ECM2: variants seen among roughly 807,000 people sequenced by gnomAD.
ECM2 encodes the protein extracellular matrix protein 2.
Under a neutral mutation model 67.5 loss-of-function variants are expected in ECM2, and 57 were observed. The ratio of observed to expected loss-of-function variants is 0.84; its 90% confidence interval spans 0.68 to 1.05. The LOEUF (loss-of-function observed/expected upper bound fraction) is 1.05, where lower values mean the gene tolerates loss of function less well. Among genes scored for constraint, ECM2 ranks in the 50% least tolerant of loss-of-function variants. The probability of loss-of-function intolerance (pLI) is 0.00; values close to 1 mark genes in which losing one functional copy is unlikely to be tolerated. For missense variants in ECM2, 741 were observed against 822.8 expected (o/e 0.90, Z 1.22); for synonymous variants, 258 against 294.5 (o/e 0.88, Z 1.27).
intron 1 of ECM2, among the ~76,000 whole-genome samples, chr9:92,533,314 A>AT (rs1848934895): frequency 3.2e-5 from 3 of 95,026 alleles, no homozygotes; most frequent in African/African-American, 1.3e-4. Flanking sequence ...AAAAAAAAAA[A>AT]AAAAAAAAAA....
the ECM2 span, among the ~76,000 whole-genome samples, chr9:92,556,796 T>C: frequency 2.0e-5 from 3 of 152,238 alleles, no homozygotes; most frequent in Non-Finnish European, 4.4e-5. Context: ...TCTGCTGTTG[T>C]GTATCTTTTA....
chr9:92,533,311 A>AT (rs1848932291), intron 1 of ECM2, among the ~76,000 whole-genome samples: 2 of 87,442 alleles, frequency 2.3e-5, no homozygotes, highest in African/African-American at 9.6e-5. Flanking sequence ...AACAAAAAAA[A>AT]AAAAAAAAAA....
intron 1 of ECM2, among the ~76,000 whole-genome samples, chr9:92,535,620 A>G (rs867902646): frequency 6.6e-6 from 1 of 152,142 alleles, no homozygotes; most frequent in Non-Finnish European, 1.5e-5. Context: ...TTTAAAATGA[A>G]AAATATTTTG....
chr9:92,543,471 CAAAAAAAAA>C, the ECM2 span, among the ~76,000 whole-genome samples: 19 of 44,520 alleles, frequency 4.3e-4, no homozygotes, highest in African/African-American at 1.3e-3. Context: ...AACCCTGTCT[CAAAAAAAAA>C]AAAAAAAAAA....
rs202147064 is a variant in ECM2, at chr9:92,533,328, AATATATATATAT to A, written c.-28+2593_-28+2604del. Among the ~76,000 whole-genome samples, 26 of 38,334 alleles carry A rather than the reference AATATATATATAT, an allele frequency of 6.8e-4. 1 individual carries two copies. In the East Asian group the frequency reaches 9.6e-3, roughly 14 times the overall value. The allele number at this position is 38,334 out of a possible 152,430, so 25.1% of individuals were successfully genotyped here. On this transcript the variant is annotated intron_variant, in intron 1 of 9. Coordinates refer to ENST00000344604, the MANE Select transcript of ECM2 (RefSeq NM_001393.4). ...CAAAAAAAAAAAAAAAAAAAAAAAA[AATATATATATAT>A]ATATATATATATATATATGCTTTGG...
chr9:92,534,070 C>G (rs979473612), intron 1 of ECM2, among the ~76,000 whole-genome samples: 1 of 152,114 alleles, frequency 6.6e-6, no homozygotes, highest in Non-Finnish European at 1.5e-5. Flanking sequence ...CCTATACAAG[C>G]TCTCTTCACT....
the ECM2 span, among the ~76,000 whole-genome samples, chr9:92,545,837 T>C: frequency 6.6e-6 from 1 of 152,244 alleles, no homozygotes; most frequent in East Asian, 1.9e-4. Flanking sequence ...GCACACTGTG[T>C]CTAGCTCAAG....
chr9:92,536,354 T>A (rs1174616522), upstream of ECM2, among the ~76,000 whole-genome samples: 1 of 152,178 alleles, frequency 6.6e-6, no homozygotes, highest in East Asian at 1.9e-4. Context: ...TGATGTCACT[T>A]GAGCTTTATC....
rs1405361460 is a variant in ECM2 at position 92,515,071 on chromosome 9, A to T, written c.614T>A (p.Ile205Lys). 9 of 1,613,924 alleles carry T rather than the reference A, an allele frequency of 5.6e-6. No homozygotes were observed. Among genetic ancestry groups the T allele is most frequent in the Non-Finnish European group, 7.6e-6 (9 of 1,179,974 alleles). ...LPPPQVGMDR[I>K]VRKEALQSEE... is the part of the protein sequence containing the mutation. ...AGATTGAAGTGCTTCTTTTCTTACTATTCGGTCCATTCCCACCTGAGGAGG... is the reference window on the plus strand; with the variant it reads ...AGATTGAAGTGCTTCTTTTCTTACTTTTCGGTCCATTCCCACCTGAGGAGG... The change falls in exon 4 of 10, where the codon ATA becomes AAA. Residue 205 changes from isoleucine (I) to lysine (K), a missense_variant. Physicochemically the swap from Ile to Lys is moderately radical, Grantham distance 102. Transcript: ENST00000344604.
At chr9:92,549,646 C>CA in the ECM2 span, among the ~76,000 whole-genome samples, 4,096 of 89,598 alleles carry the variant, frequency 0.046, 67 homozygotes, top group South Asian at 0.07. Context: ...GACTCCGTCT[C>CA]AAAAAAAAAA....
At chr9:92,525,354 C>G (rs1848327245) in intron 1 of ECM2, among the ~76,000 whole-genome samples, 1 of 152,000 alleles carries the variant, frequency 6.6e-6, no homozygotes, top group Non-Finnish European at 1.5e-5. Context: ...CTGAAAGACC[C>G]TGCAAGCATT....
the ECM2 span, among the ~76,000 whole-genome samples, chr9:92,555,070 T>A: frequency 6.6e-6 from 1 of 152,050 alleles, no homozygotes; most frequent in Non-Finnish European, 1.5e-5. Context: ...ATTAAGGTGA[T>A]GCTGGCTTCA....
At position 92,496,066 on chromosome 9, in the gene ECM2, T is replaced by C. The variant is rs1846329778; in HGVS notation, c.*249A>G. On this transcript the variant is annotated 3_prime_UTR_variant, in exon 10 of 10. Transcript: ENST00000344604. The stretch of plus-strand genomic sequence containing the variant: ...GTCTAGCTCAGTATGCATAATATCC[T>C]ATTCTAGTGAGATGGCCTCTTTCTA... 9.1e-7 allele frequency: 1 copy of C among 1,104,424 alleles called. No homozygotes were observed. Among genetic ancestry groups the C allele is most frequent in the African/African-American group, 1.7e-5 (1 of 60,292 alleles). The allele number at this position is 1,104,424 out of a possible 1,614,324, so 68.4% of individuals were successfully genotyped here.
intron 2 of ECM2, among the ~76,000 whole-genome samples, chr9:92,519,520 A>G (rs1272476942): frequency 6.6e-6 from 1 of 152,206 alleles, no homozygotes; most frequent in Admixed American, 6.5e-5. Flanking sequence ...TTTATGAACA[A>G]TTGATTTTCA....
At chr9:92,525,576 A>T (rs184042532) in intron 1 of ECM2, among the ~76,000 whole-genome samples, 2 of 152,066 alleles carry the variant, frequency 1.3e-5, no homozygotes, top group Non-Finnish European at 2.9e-5. Context: ...AAACAAACCT[A>T]CTGCACTTCC....
intron 4 of ECM2, among the ~76,000 whole-genome samples, chr9:92,512,840 C>G (rs1847438416): frequency 6.6e-6 from 1 of 152,132 alleles, no homozygotes; most frequent in Non-Finnish European, 1.5e-5. Flanking sequence ...TTTATCTTTT[C>G]CAAGGCTTTA....
intron 2 of ECM2, among the ~76,000 whole-genome samples, chr9:92,522,246 C>A (rs755130813): frequency 4.6e-5 from 7 of 151,942 alleles, no homozygotes; most frequent in Admixed American, 1.3e-4. Context: ...GCCACCACAC[C>A]CGGCTAATTT....
chr9:92,515,330 A>C, intron 3 of ECM2, 127 bp from the exon 4 acceptor site: 1 of 1,227,378 alleles, frequency 8.1e-7, no homozygotes, highest in Non-Finnish European at 1.0e-6. Context: ...TTAAAGATGA[A>C]ATGCACCTTG....
At chr9:92,506,059 GGAA>G (rs1846988976) in intron 6 of ECM2, among the ~76,000 whole-genome samples, 1 of 152,152 alleles carries the variant, frequency 6.6e-6, no homozygotes, top group African/African-American at 2.4e-5. Flanking sequence ...AATTCAGGTA[GGAA>G]AGGAATAGAA....
Sources: allele counts gnomAD v4.1 joint callset (sites outside exome capture counted in the v4.1 genomes callset), GRCh38; gene constraint gnomAD v4.1.1; transcripts MANE v1.5; gene names NCBI Gene and HGNC (gene_info 2026-07-23, HGNC 2026-07-21).